SBNO1: variants seen among roughly 807,000 people sequenced by gnomAD.
The protein encoded by SBNO1 is strawberry notch homolog 1.
SBNO1 carries 23 observed loss-of-function variants against 173.6 expected under a neutral mutation model. That is an observed-to-expected ratio of 0.13 (90% confidence interval 0.10 to 0.19). The LOEUF is 0.19. Ranked by LOEUF, SBNO1 falls within the 10% of genes least tolerant of loss-of-function variation. SBNO1 has a pLI of 1.00. For synonymous variants in SBNO1, 632 were observed against 571.5 expected, an observed-to-expected ratio of 1.11 and a Z score of -1.51; for missense variants, 1,238 against 1,671.2, an observed-to-expected ratio of 0.74 and a Z score of 4.52.
At chr12:123,363,375 C>T (rs1348442666) in intron 1 of SBNO1, among the ~76,000 whole-genome samples, 1 of 152,040 alleles carries the variant, frequency 6.6e-6, no homozygotes, top group African/African-American at 2.4e-5. Context: ...AAATAGAATC[C>T]CTCTGTACTG....
Position 123,327,806 on chromosome 12 carries a change from G to C in SBNO1, c.1439C>G (p.Ser480Cys). Residue 480 changes from serine (S) to cysteine (C), a missense_variant, in exon 12 of 32, where the codon TCT becomes TGT. This residue lies in a region of SBNO1 where 182 missense variants were observed against 339.9 expected (regional missense o/e 0.54). Coordinates refer to ENST00000602398, the MANE Select transcript of SBNO1 (RefSeq NM_001167856.3). Reference protein sequence around the residue: ...RVVYASATGASEPRNMAYMNR... With the variant: ...RVVYASATGACEPRNMAYMNR... ...CATATAGGCCATGTTGCGTGGTTCA[G>C]AAGCACCTGAAAATCCCACAAATGA... is the stretch of plus-strand genomic sequence containing the variant. 6.2e-7 allele frequency: 1 copy of C among 1,613,158 alleles called. No individual in the cohort carries two copies. Among genetic ancestry groups the C allele is most frequent in the South Asian group, 1.1e-5 (1 of 91,012 alleles).
In SBNO1 at chr12:123,309,794, C is replaced by T. The variant is rs143004518; in HGVS notation, c.3358G>A (p.Ala1120Thr). The change falls in exon 26 of 32, where the codon GCG (alanine) becomes ACG (threonine). Residue 1120 changes from alanine (A) to threonine (T), a missense_variant. Ala to Thr is a moderately conservative substitution (Grantham distance 58). Around this residue, in one of 14 missense-constraint regions of SBNO1, gnomAD observed 351 missense variants for 420.3 expected, o/e 0.84. Coordinates refer to ENST00000602398, the MANE Select transcript of SBNO1 (RefSeq NM_001167856.3). ...GTGTCCGCAAAATACTGAAATAACG[C>T]ATTCTGCTGATGCACCTCCATGCCT... ...ILGMEVHQQN[A>T]LFQYFADTLT... 1.9e-6 allele frequency: 3 copies of T among 1,612,018 alleles called. No individual in the cohort carries two copies. The highest frequency in any genetic ancestry group is 2.5e-6 in the Non-Finnish European group (3 of 1,178,698).
Position 123,338,518 on chromosome 12 carries a change from T to TA in SBNO1, c.652-2028dup, listed in dbSNP as rs773192381. ...CAAGGTAGTGAAACCCCATCTCTAT[T>TA]AAAAAATACAAAAGAAAATTAGCAG... On this transcript the variant is annotated intron_variant, in intron 5 of 31. Transcript: ENST00000602398. Among the ~76,000 whole-genome samples the TA allele has an allele frequency of 7.9e-5, 12 of 151,442 alleles. No individual in the cohort carries two copies. In the South Asian group the frequency reaches 1.0e-3, roughly 13 times the overall value.
chr12:123,345,181 C>A, intron 4 of SBNO1, 77 bp downstream of exon 4: 1 of 1,269,594 alleles, frequency 7.9e-7, no homozygotes, highest in Non-Finnish European at 1.1e-6. Context: ...TTTAAAAACC[C>A]AAGCAAATCG....
At chr12:123,311,716 C>CTATA (rs1168115569) in intron 24 of SBNO1, among the ~76,000 whole-genome samples, 81 of 60,922 alleles carry the variant, frequency 1.3e-3, no homozygotes, top group African/African-American at 4.1e-3. Flanking sequence ...ATCTATCTAT[C>CTATA]TATCTATATA....
rs1873019768 is a variant in SBNO1, at chr12:123,345,517, T to A, written c.291A>T (p.Pro97=). Residue 97 remains proline, a synonymous_variant, in exon 4 of 32, where the codon CCA becomes CCT. Transcript: ENST00000602398. The part of the protein sequence containing the change: ...TFVLNQINHL[P]PLGSTIVMTK... ...TCATTACAATTGTAGATCCCAAGGG[T>A]GGAAGATGATTTATTTGATTCAGCA... 1 of 1,613,844 alleles carries A rather than the reference T, an allele frequency of 6.2e-7. No homozygotes were observed. The highest frequency in any genetic ancestry group is 1.1e-5 in the South Asian group (1 of 91,074).
At chr12:123,361,595 G>A (rs995187921) in intron 1 of SBNO1, among the ~76,000 whole-genome samples, 4 of 151,482 alleles carry the variant, frequency 2.6e-5, no homozygotes, top group Non-Finnish European at 5.9e-5. Flanking sequence ...TTAGCTGGGC[G>A]TGGTGGCGTG....
rs1869402036 is a variant in SBNO1 at position 123,317,366 on chromosome 12, A to G, written c.2800-10T>C. 6.2e-7 allele frequency: 1 copy of G among 1,613,374 alleles called. No homozygotes were observed. Among genetic ancestry groups the G allele is most frequent in the African/African-American group, 1.3e-5 (1 of 74,836 alleles). Reference sequence around the variant, plus strand: ...AGATGATAGCAATATTCTGTGTCAAATATAAGAAAAATAAAGTCACTTTTG... The same window carrying G: ...AGATGATAGCAATATTCTGTGTCAAGTATAAGAAAAATAAAGTCACTTTTG... On this transcript the variant is annotated splice_polypyrimidine_tract_variant and intron_variant, in intron 20 of 31. Coordinates refer to ENST00000602398, the MANE Select transcript of SBNO1 (RefSeq NM_001167856.3).
intron 1 of SBNO1, among the ~76,000 whole-genome samples, chr12:123,357,877 G>T (rs1874645729): frequency 6.6e-6 from 1 of 152,138 alleles, no homozygotes; most frequent in African/African-American, 2.4e-5. Flanking sequence ...TATTTACAAA[G>T]GAATGTGCAA....
At chr12:123,356,852 T>A (rs940771827) in intron 1 of SBNO1, among the ~76,000 whole-genome samples, 1 of 152,250 alleles carries the variant, frequency 6.6e-6, no homozygotes, top group Admixed American at 6.5e-5. Flanking sequence ...TGGACATTTT[T>A]AAATGTGCAC....
intron 6 of SBNO1, among the ~76,000 whole-genome samples, chr12:123,335,931 T>G (rs951706680): frequency 6.6e-6 from 1 of 152,198 alleles, no homozygotes; most frequent in African/African-American, 2.4e-5. Context: ...AATGGTATTA[T>G]TAGTGGTTTT....
At position 123,294,215 on chromosome 12, in the gene SBNO1, C is replaced by T. The variant is rs1441894556; in HGVS notation, c.*1693G>A. 6.6e-6 allele frequency: 1 copy of T among 151,692 alleles called. No homozygotes were observed. Among genetic ancestry groups the T allele is most frequent in the Non-Finnish European group, 1.5e-5 (1 of 67,938 alleles). The allele number at this position is 151,692 out of a possible 1,614,324, so 9.4% of individuals were successfully genotyped here. ...AAATCCTAAGAAAACTTACGGTAAG[C>T]TTGACATAACCAAACTCAGGCTAAA... is the stretch of plus-strand genomic sequence containing the variant. On this transcript the variant is annotated 3_prime_UTR_variant, in exon 32 of 32. Transcript: ENST00000602398.
rs1869176566 is a variant in SBNO1, at chr12:123,315,676, G to A, written c.2936-16C>T. ...TGAGTACGTCCTGCAACGAAATTTT[G>A]TTTTAAAGATCATTGATTGTGTTCG... On this transcript the variant is annotated splice_polypyrimidine_tract_variant and intron_variant, in intron 21 of 31. Coordinates refer to ENST00000602398, the MANE Select transcript of SBNO1 (RefSeq NM_001167856.3). 1 of 1,445,238 alleles carries A rather than the reference G, an allele frequency of 6.9e-7. No individual in the cohort carries two copies. The highest frequency in any genetic ancestry group is 9.7e-7 in the Non-Finnish European group (1 of 1,026,912). The allele number at this position is 1,445,238 out of a possible 1,614,324, so 89.5% of individuals were successfully genotyped here.
At chr12:123,340,942 A>G in intron 5 of SBNO1, 46 bp downstream of exon 5, 1 of 1,165,876 alleles carries the variant, frequency 8.6e-7, no homozygotes, top group Non-Finnish European at 1.3e-6. Context: ...AGTTGAGTAC[A>G]CTCTCATACT....
At chr12:123,332,402 C>T (rs754849658) in intron 7 of SBNO1, among the ~76,000 whole-genome samples, 7 of 152,144 alleles carry the variant, frequency 4.6e-5, no homozygotes, top group Non-Finnish European at 7.4e-5. Context: ...AGTGATTCTC[C>T]TGCCTCAGCC....
intron 31 of SBNO1, among the ~76,000 whole-genome samples, chr12:123,296,477 T>C (rs146513409): frequency 5.5e-4 from 81 of 147,192 alleles, no homozygotes; most frequent in African/African-American, 2.0e-3. Flanking sequence ...CTCTGGGTGC[T>C]GGTTAAGGGA....
chr12:123,349,783 C>T (rs1260529973), intron 2 of SBNO1, among the ~76,000 whole-genome samples: 2 of 152,016 alleles, frequency 1.3e-5, no homozygotes, highest in Non-Finnish European at 2.9e-5. Context: ...GGCGTCGTGG[C>T]CCATGCCTGT....
intron 28 of SBNO1, among the ~76,000 whole-genome samples, chr12:123,307,221 C>A (rs2048941474): frequency 6.6e-6 from 1 of 151,812 alleles, no homozygotes; most frequent in African/African-American, 2.4e-5. Flanking sequence ...AACCAAAAAA[C>A]CCCAACTCAA....
chr12:123,360,616 TTG>T (rs993685703), intron 1 of SBNO1, among the ~76,000 whole-genome samples: 5 of 151,864 alleles, frequency 3.3e-5, no homozygotes, highest in Non-Finnish European at 5.9e-5. Flanking sequence ...AGCTAATTTT[TTG>T]TATTTTTAGT....
Sources: allele counts gnomAD v4.1 joint callset (sites outside exome capture counted in the v4.1 genomes callset), GRCh38; gene constraint gnomAD v4.1.1; regional missense constraint gnomAD v4.1.1; transcripts MANE v1.5; gene names NCBI Gene and HGNC (gene_info 2026-07-23, HGNC 2026-07-21).